Variants in TTC28 observed in about 807,000 individuals in gnomAD.
TTC28 encodes tetratricopeptide repeat protein 28.
TTC28 carries 61 observed loss-of-function variants against 198.0 expected under a neutral mutation model. The ratio of observed to expected loss-of-function variants is 0.31; its 90% CI spans 0.25 to 0.38. TTC28 has a LOEUF of 0.38. Ranked by LOEUF, TTC28 falls within the 10% of genes least tolerant of loss-of-function variation. TTC28 has a pLI of 1.00. For missense variants in TTC28, 2,678 were observed against 3,164.0 expected (o/e 0.85, Z 3.69); for synonymous variants, 1,171 against 1,297.8 (o/e 0.90, Z 2.10).
chr22:28,360,030 T>A (rs1206221561), intron 2 of TTC28, among the ~76,000 whole-genome samples: 1 of 152,002 alleles, frequency 6.6e-6, no homozygotes, highest in East Asian at 1.9e-4. Flanking sequence ...TTATCCAAGA[T>A]GACATAGAGC....
chr22:28,659,159 A>G (rs1325272247), intron 1 of TTC28, among the ~76,000 whole-genome samples: 1 of 152,254 alleles, frequency 6.6e-6, no homozygotes, highest in African/African-American at 2.4e-5. Context: ...ACTGTGAGAA[A>G]TAAATGTTTG....
intron 2 of TTC28, among the ~76,000 whole-genome samples, chr22:28,535,995 G>A (rs2049264084): frequency 6.6e-6 from 1 of 151,574 alleles, no homozygotes; most frequent in African/African-American, 2.4e-5. Flanking sequence ...CAGATCACGA[G>A]GTCAGGAAAT....
At chr22:28,071,539 A>ACAT (rs1940967263) in intron 12 of TTC28, among the ~76,000 whole-genome samples, 2 of 146,530 alleles carry the variant, frequency 1.4e-5, no homozygotes, top group Admixed American at 1.4e-4. Context: ...CAATGAGATC[A>ACAT]CATGGACACA....
At chr22:28,657,353 T>C (rs1345920495) in intron 1 of TTC28, among the ~76,000 whole-genome samples, 1 of 152,220 alleles carries the variant, frequency 6.6e-6, no homozygotes, top group Non-Finnish European at 1.5e-5. Flanking sequence ...TCTGGATTTG[T>C]AGCTTTACAG....
At chr22:28,216,751 T>C (rs571395710) in intron 5 of TTC28, among the ~76,000 whole-genome samples, 1 of 152,296 alleles carries the variant, frequency 6.6e-6, no homozygotes, top group Admixed American at 6.5e-5. Context: ...AGACACAGTC[T>C]CACTCTGTCA....
chr22:28,082,520 C>T (rs1021932855), intron 12 of TTC28, among the ~76,000 whole-genome samples: 4 of 152,040 alleles, frequency 2.6e-5, no homozygotes, highest in Non-Finnish European at 5.9e-5. Flanking sequence ...TGTTTTTTGT[C>T]CTTCATTCTG....
chr22:28,409,985 G>T (rs577998336), intron 2 of TTC28, among the ~76,000 whole-genome samples: 1 of 151,618 alleles, frequency 6.6e-6, no homozygotes, highest in Non-Finnish European at 1.5e-5. Flanking sequence ...GCAGCAGCAC[G>T]ATCTCAGTTC....
intron 5 of TTC28, among the ~76,000 whole-genome samples, chr22:28,279,849 G>T (rs1031847013): frequency 6.6e-6 from 1 of 152,156 alleles, no homozygotes; most frequent in African/African-American, 2.4e-5. Context: ...AGTTTTGCCT[G>T]TTCTAGAATT....
At chr22:28,391,219 T>C (rs1297856021) in intron 2 of TTC28, among the ~76,000 whole-genome samples, 5 of 152,250 alleles carry the variant, frequency 3.3e-5, no homozygotes, top group Non-Finnish European at 5.9e-5. Context: ...CAGCTGTTAG[T>C]CTGATGGGCT....
chr22:28,148,682 A>C (rs917781317), intron 6 of TTC28, among the ~76,000 whole-genome samples: 1 of 152,078 alleles, frequency 6.6e-6, no homozygotes, highest in African/African-American at 2.4e-5. Context: ...AAATCATAGA[A>C]TTTCAGCTTT....
intron 2 of TTC28, among the ~76,000 whole-genome samples, chr22:28,421,073 C>T (rs2047245694): frequency 6.6e-6 from 1 of 151,958 alleles, no homozygotes; most frequent in Middle Eastern, 3.2e-3. Flanking sequence ...GCAAAAATAC[C>T]TTATTCTGCT....
At chr22:28,579,397 T>C (rs1249418657) in intron 2 of TTC28, among the ~76,000 whole-genome samples, 1 of 149,202 alleles carries the variant, frequency 6.7e-6, no homozygotes, top group Admixed American at 6.7e-5. Flanking sequence ...GCTATATACA[T>C]ATATAACTAT....
intron 19 of TTC28, among the ~76,000 whole-genome samples, chr22:27,991,551 G>A (rs776072566): frequency 5.9e-5 from 9 of 152,224 alleles, no homozygotes; most frequent in Non-Finnish European, 1.5e-5. Flanking sequence ...AGTAGATGGA[G>A]CAGCTTTATT....
At chr22:28,356,029 C>T (rs2046072796) in intron 2 of TTC28, among the ~76,000 whole-genome samples, 4 of 152,262 alleles carry the variant, frequency 2.6e-5, no homozygotes, top group African/African-American at 9.6e-5. Context: ...AACCTCAGTT[C>T]AAGAGTGAAT....
chr22:28,154,938 G>T (rs1943719464), intron 6 of TTC28, among the ~76,000 whole-genome samples: 1 of 151,798 alleles, frequency 6.6e-6, no homozygotes, highest in Admixed American at 6.6e-5. Context: ...AGCTTCTATT[G>T]TCCAAAAACC....
At chr22:28,297,467 C>G (rs2044922968) in intron 4 of TTC28, 113 bp downstream of exon 4, 3 of 1,273,526 alleles carry the variant, frequency 2.4e-6, no homozygotes, top group Non-Finnish European at 3.2e-6. Flanking sequence ...ACTGGGATTA[C>G]AGGTGTGAGC....
intron 14 of TTC28, chr22:28,008,000 G>A (rs1178521157): frequency 6.6e-6 from 1 of 152,152 alleles, no homozygotes; most frequent in Non-Finnish European, 1.5e-5. Flanking sequence ...CAGCCTGGTG[G>A]TGGGGCTGCC....
Position 28,261,846 on chromosome 22 carries a change from T to C in TTC28, c.933+34352A>G, listed in dbSNP as rs577148255. ...CTAGGATATCATACATCTAGTCCCA[T>C]AGAATCATCTCACTATTGGAACACC... On this transcript the variant is annotated intron_variant, in intron 5 of 22. Coordinates refer to ENST00000397906, the MANE Select transcript of TTC28 (RefSeq NM_001145418.2). 3.5e-4 allele frequency among the ~76,000 whole-genome samples: 53 copies of C among 152,238 alleles called. No individual in the cohort carries two copies. The South Asian group carries it at 6.0e-3, about 17-fold the overall frequency.
Position 27,997,169 on chromosome 22 carries a change from G to A in TTC28, c.5120-910C>T, listed in dbSNP as rs531853442. 1.7e-4 allele frequency among the ~76,000 whole-genome samples: 26 copies of A among 152,340 alleles called. No individual in the cohort carries two copies. The East Asian group carries it at 5.0e-3, about 29-fold the overall frequency. ...CCTCTACTTTCTGCGTCTCCTAAGC[G>A]CAGGAGGAGAGGCAGGTGAGCAGCC... On this transcript the variant is annotated intron_variant, in intron 16 of 22. Coordinates refer to ENST00000397906, the MANE Select transcript of TTC28 (RefSeq NM_001145418.2).
Sources: allele counts gnomAD v4.1 joint callset (sites outside exome capture counted in the v4.1 genomes callset), GRCh38; gene constraint gnomAD v4.1.1; transcripts MANE v1.5; gene names NCBI Gene and HGNC (gene_info 2026-07-23, HGNC 2026-07-21).